The following SLC7A14 variants were observed in gnomAD, a reference collection of about 807,000 sequenced individuals.
SLC7A14 encodes gamma-aminobutyric acid transporter SLC7A14.
SLC7A14 carries 37 observed loss-of-function variants against 60.2 expected under a neutral mutation model. The ratio of observed to expected loss-of-function variants is 0.61; its 90% CI spans 0.47 to 0.81. The LOEUF (loss-of-function observed/expected upper bound fraction) is 0.81. Among genes scored for constraint, SLC7A14 ranks in the 30% least tolerant of loss-of-function variants. SLC7A14 has a pLI of 0.00. For missense variants in SLC7A14, 886 were observed against 982.7 expected, an observed-to-expected ratio of 0.90 and a Z score of 1.32; for synonymous variants, 399 against 395.8, an observed-to-expected ratio of 1.01 and a Z score of -0.10.
chr3:170,508,254 GAA>G (rs550992285), intron 2 of SLC7A14, among the ~76,000 whole-genome samples: 74 of 152,298 alleles, frequency 4.9e-4, no homozygotes, highest in Non-Finnish European at 9.0e-4. Flanking sequence ...TGTCCAAAAG[GAA>G]AGAGGCTATC....
intron 1 of SLC7A14, among the ~76,000 whole-genome samples, chr3:170,528,853 A>C (rs543305368): frequency 2.0e-5 from 3 of 152,132 alleles, no homozygotes; most frequent in Non-Finnish European, 4.4e-5. Context: ...AGGCCGCTAG[A>C]ACAACTGCTT....
At chr3:170,545,078 A>G (rs780081191) in intron 1 of SLC7A14, among the ~76,000 whole-genome samples, 2 of 152,246 alleles carry the variant, frequency 1.3e-5, no homozygotes, top group African/African-American at 2.4e-5. Context: ...AAATAGTCAC[A>G]TGTGGCCAGT....
chr3:170,476,212 A>G (rs1271032396), intron 7 of SLC7A14, among the ~76,000 whole-genome samples: 3 of 152,220 alleles, frequency 2.0e-5, no homozygotes, highest in Admixed American at 6.5e-5. Flanking sequence ...TGGGCTTAGA[A>G]TGTTTCAGAA....
In SLC7A14 at chr3:170,498,739, C is replaced by T. The variant is rs774907581; in HGVS notation, c.687G>A (p.Met229Ile). ...CATTGATGAAGAAGAGGCCTGCGAT[C>T]ATGATGAACACCCATACTGCCAGGT... ...VLNLAVWVFI[M>I]IAGLFFINGK... Residue 229 changes from methionine to isoleucine, a missense_variant, in exon 4 of 8, where the codon ATG becomes ATA. Physicochemically the swap from Met to Ile is conservative, Grantham distance 10. Coordinates refer to ENST00000231706, the MANE Select transcript of SLC7A14 (RefSeq NM_020949.3). The T allele has an allele frequency of 1.2e-6, 2 of 1,614,188 alleles. No homozygotes were observed. The highest frequency in any genetic ancestry group is 3.3e-5 in the Admixed American group (2 of 60,020).
chr3:170,534,877 A>G (rs1329282236), intron 1 of SLC7A14, among the ~76,000 whole-genome samples: 1 of 152,198 alleles, frequency 6.6e-6, no homozygotes, highest in Non-Finnish European at 1.5e-5. Flanking sequence ...CTGTTTGTCA[A>G]CACTCCAGAG....
intron 1 of SLC7A14, among the ~76,000 whole-genome samples, chr3:170,552,144 C>T (rs897318017): frequency 6.6e-6 from 1 of 152,008 alleles, no homozygotes; most frequent in Non-Finnish European, 1.5e-5. Context: ...ATCTAGTGGA[C>T]TCAGCACCAT....
At position 170,481,149 on chromosome 3, in the gene SLC7A14, C is replaced by G; in HGVS notation, c.1133G>C (p.Ser378Thr). 6.2e-7 allele frequency: 1 copy of G among 1,613,256 alleles called. No homozygotes were observed. Among genetic ancestry groups the G allele is most frequent in the African/African-American group, 1.3e-5 (1 of 74,974 alleles). The change falls in exon 7 of 8, where the codon AGC becomes ACC. Residue 378 changes from serine to threonine, a missense_variant. Coordinates refer to ENST00000231706, the MANE Select transcript of SLC7A14 (RefSeq NM_020949.3). ...GLLFRFLAHV[S>T]SYTETPVVAC... is the part of the protein sequence containing the mutation. ...CACCACTGGTGTCTCTGTGTAGGAG[C>G]TGACGTGAGCCAGGAACCTGGAGGG...
rs763259485 is a variant in SLC7A14, at chr3:170,486,391, CAG to C, written c.760-25_760-24del. ...CACCTGTGTGGATGATGGCATTTGT[CAG>C]ACTCAGAAGATCGGGGTGGCACCTG... On this transcript the variant is annotated intron_variant, in intron 4 of 7. Coordinates refer to ENST00000231706, the MANE Select transcript of SLC7A14 (RefSeq NM_020949.3). 3.7e-6 allele frequency: 6 copies of C among 1,613,968 alleles called. No homozygotes were observed. In the African/African-American group the frequency reaches 8.0e-5, roughly 22 times the overall value.
intron 2 of SLC7A14, among the ~76,000 whole-genome samples, chr3:170,511,898 G>A (rs1015946901): frequency 1.1e-4 from 17 of 152,198 alleles, no homozygotes; most frequent in Non-Finnish European, 2.1e-4. Context: ...GAGAAATTGT[G>A]AGGGTGAATA....
intron 7 of SLC7A14, among the ~76,000 whole-genome samples, chr3:170,474,641 C>T (rs1421029226): frequency 6.6e-6 from 1 of 152,152 alleles, no homozygotes; most frequent in South Asian, 2.1e-4. Flanking sequence ...CAATTCATTG[C>T]TCTTTCTTTC....
intron 4 of SLC7A14, among the ~76,000 whole-genome samples, chr3:170,488,509 G>T (rs1193675410): frequency 1.3e-5 from 2 of 152,140 alleles, no homozygotes; most frequent in African/African-American, 4.8e-5. Context: ...TAGACTGCTG[G>T]CTCACTAAGT....
At chr3:170,504,896 T>C (rs2108282451) in intron 2 of SLC7A14, among the ~76,000 whole-genome samples, 1 of 152,314 alleles carries the variant, frequency 6.6e-6, no homozygotes, top group Non-Finnish European at 1.5e-5. Flanking sequence ...TCTACGGTTC[T>C]CATGATGATT....
intron 1 of SLC7A14, among the ~76,000 whole-genome samples, chr3:170,549,239 G>A (rs111733856): frequency 0.024 from 3,270 of 135,480 alleles, 124 homozygotes; most frequent in African/African-American, 0.089. Flanking sequence ...TTTTTGAGAC[G>A]GAGTCTTGCT....
chr3:170,467,791 A>G (rs1032598227), intron 7 of SLC7A14, among the ~76,000 whole-genome samples: 1 of 152,086 alleles, frequency 6.6e-6, no homozygotes, highest in Admixed American at 6.6e-5. Flanking sequence ...TGCATTTTCT[A>G]CCCTGGGTGA....
At chr3:170,470,012 A>C (rs1023678234) in intron 7 of SLC7A14, among the ~76,000 whole-genome samples, 15 of 152,212 alleles carry the variant, frequency 9.9e-5, no homozygotes, top group African/African-American at 3.6e-4. Context: ...ATTCTCTAAA[A>C]ACCTTGAGTC....
chr3:170,533,143 G>T (rs959796363), intron 1 of SLC7A14, among the ~76,000 whole-genome samples: 1 of 152,116 alleles, frequency 6.6e-6, no homozygotes, highest in African/African-American at 2.4e-5. Flanking sequence ...AGCTTTGATG[G>T]TGGATCCTCT....
intron 1 of SLC7A14, among the ~76,000 whole-genome samples, chr3:170,564,816 G>T (rs1365366869): frequency 6.6e-6 from 1 of 152,176 alleles, no homozygotes; most frequent in Non-Finnish European, 1.5e-5. Context: ...TGGACCAACT[G>T]CTACCTCTAA....
At chr3:170,584,644 C>T (rs1380640572) in intron 1 of SLC7A14, among the ~76,000 whole-genome samples, 1 of 152,194 alleles carries the variant, frequency 6.6e-6, no homozygotes, top group Non-Finnish European at 1.5e-5. Context: ...AGGGTTCTAA[C>T]GCAGTTTCTG....
chr3:170,471,717 A>C (rs1990805), intron 7 of SLC7A14, among the ~76,000 whole-genome samples: 133,080 of 152,172 alleles, frequency 0.87, 58,472 homozygotes, highest in African/African-American at 0.96. Flanking sequence ...AGGGCAATCT[A>C]ATATCTTTTG....
Sources: allele counts gnomAD v4.1 joint callset (sites outside exome capture counted in the v4.1 genomes callset), GRCh38; gene constraint gnomAD v4.1.1; transcripts MANE v1.5; gene names NCBI Gene and HGNC (gene_info 2026-07-23, HGNC 2026-07-21).